Variants in SNX7 observed in about 807,000 individuals in gnomAD.
The protein encoded by SNX7 is sorting nexin 7.
In SNX7, 35 loss-of-function variants were observed where a neutral mutation model predicts 48.4. That is an observed-to-expected ratio of 0.72 (90% CI 0.55 to 0.96). SNX7 has a LOEUF of 0.96. Among genes scored for constraint, SNX7 ranks in the 40% least tolerant of loss-of-function variants. The pLI is 0.00. For synonymous variants in SNX7, 190 were observed against 190.2 expected (o/e 1.00, Z 0.01); for missense variants, 553 against 548.9 (o/e 1.01, Z -0.07).
At chr1:98,670,516 A>C (rs944953034) in intron 1 of SNX7, among the ~76,000 whole-genome samples, 6 of 152,214 alleles carry the variant, frequency 3.9e-5, no homozygotes, top group Non-Finnish European at 8.8e-5. Context: ...TCAATGATGG[A>C]CTGCCTAAGA....
intron 8 of SNX7, among the ~76,000 whole-genome samples, chr1:98,745,586 TACATG>T (rs1424499290): frequency 1.3e-5 from 2 of 152,084 alleles, no homozygotes; most frequent in African/African-American, 4.8e-5. Context: ...AGATTCCACT[TACATG>T]TAGGCTATAT....
chr1:98,681,075 A>G (rs766299034), intron 1 of SNX7, among the ~76,000 whole-genome samples: 2 of 152,210 alleles, frequency 1.3e-5, no homozygotes, highest in Non-Finnish European at 1.5e-5. Flanking sequence ...TTACAATTCC[A>G]CGTGGCTGGG....
At chr1:98,715,970 A>G (rs1316958129) in intron 7 of SNX7, among the ~76,000 whole-genome samples, 1 of 152,154 alleles carries the variant, frequency 6.6e-6, no homozygotes, top group East Asian at 1.9e-4. Flanking sequence ...ATTTACATAT[A>G]TATAAAAACA....
At chr1:98,730,975 C>T (rs970173016) in intron 7 of SNX7, among the ~76,000 whole-genome samples, 2 of 152,000 alleles carry the variant, frequency 1.3e-5, no homozygotes, top group Non-Finnish European at 2.9e-5. Context: ...GGACACAGGG[C>T]GGCAGAGGTG....
At chr1:98,714,723 C>T (rs1330306743) in intron 7 of SNX7, among the ~76,000 whole-genome samples, 2 of 151,992 alleles carry the variant, frequency 1.3e-5, no homozygotes, top group East Asian at 1.9e-4. Context: ...TCACATGTTC[C>T]AGGAGGTTTG....
chr1:98,733,739 G>A (rs1653635769), intron 7 of SNX7, among the ~76,000 whole-genome samples: 1 of 152,036 alleles, frequency 6.6e-6, no homozygotes. Flanking sequence ...ACGCAGACTA[G>A]ATGGATGCTG....
intron 1 of SNX7, among the ~76,000 whole-genome samples, chr1:98,682,163 C>A (rs1304020412): frequency 1.3e-5 from 2 of 150,622 alleles, no homozygotes; most frequent in African/African-American, 4.9e-5. Context: ...TTCCTTTCCT[C>A]CTCTGCTTAT....
chr1:98,693,192 GGA>G (rs1373783149), intron 4 of SNX7, among the ~76,000 whole-genome samples: 467 of 152,102 alleles, frequency 3.1e-3, no homozygotes, highest in Middle Eastern at 6.8e-3. Context: ...ATGGATGGAT[GGA>G]TGGATGGACG....
intron 8 of SNX7, among the ~76,000 whole-genome samples, chr1:98,745,204 G>A (rs978938863): frequency 2.0e-5 from 3 of 151,978 alleles, no homozygotes; most frequent in African/African-American, 4.8e-5. Context: ...TGTTGCAATA[G>A]AGGTGTAATA....
At chr1:98,662,173 A>T in intron 1 of SNX7, 1 of 335,346 alleles carries the variant, frequency 3.0e-6, no homozygotes, top group Admixed American at 4.9e-5. Context: ...GGCTTAGTGG[A>T]GTCTGCAAAG....
chr1:98,683,632 C>T (rs543930150), intron 1 of SNX7, among the ~76,000 whole-genome samples: 19 of 152,254 alleles, frequency 1.2e-4, no homozygotes, highest in East Asian at 3.9e-4. Flanking sequence ...CCTCACCAGA[C>T]GCTGAATCTG....
intron 8 of SNX7, among the ~76,000 whole-genome samples, chr1:98,739,569 A>ATTTATC (rs1653969159): frequency 6.6e-6 from 1 of 152,180 alleles, no homozygotes; most frequent in Non-Finnish European, 1.5e-5. Context: ...TCACAAAGAG[A>ATTTATC]GCATGATAAA....
intron 8 of SNX7, among the ~76,000 whole-genome samples, chr1:98,754,710 C>T (rs1654757136): frequency 6.6e-6 from 1 of 151,914 alleles, no homozygotes; most frequent in Non-Finnish European, 1.5e-5. Flanking sequence ...TTTTTATGAT[C>T]AACATGGCTA....
rs769472198 is a variant in SNX7 at position 98,698,821 on chromosome 1, G to A, written c.954G>A (p.Lys318=). 5.6e-6 allele frequency: 9 copies of A among 1,613,772 alleles called. No homozygotes were observed. The highest frequency in any genetic ancestry group is 5.9e-6 in the Non-Finnish European group (7 of 1,179,808). ...DVASCIDRCC[K]ATEKRMSGLS... ...CCAGCTGCATTGACAGATGCTGTAA[G>A]GCCACTGAAAAGCGGATGTCTGGAC... The change falls in exon 6 of 9, where the codon AAG becomes AAA. Residue 318 remains lysine, a synonymous_variant. Transcript: ENST00000306121.
chr1:98,750,605 A>G (rs1235701876), intron 8 of SNX7, among the ~76,000 whole-genome samples: 1 of 152,114 alleles, frequency 6.6e-6, no homozygotes, highest in African/African-American at 2.4e-5. Context: ...CTTAACCAGC[A>G]TATGCCTTAA....
intron 7 of SNX7, among the ~76,000 whole-genome samples, chr1:98,707,596 C>T (rs866468058): frequency 6.6e-6 from 1 of 152,260 alleles, no homozygotes; most frequent in South Asian, 2.1e-4. Flanking sequence ...AATAATACTG[C>T]ATATCTATTT....
intron 7 of SNX7, among the ~76,000 whole-genome samples, chr1:98,712,700 A>T (rs543366886): frequency 3.3e-5 from 5 of 152,166 alleles, no homozygotes; most frequent in Non-Finnish European, 7.4e-5. Context: ...CACCAACTAC[A>T]TTAGCTCCTA....
At chr1:98,683,766 G>A (rs559507082) in intron 1 of SNX7, among the ~76,000 whole-genome samples, 1 of 152,096 alleles carries the variant, frequency 6.6e-6, no homozygotes, top group East Asian at 1.9e-4. Context: ...GATGGGGTGG[G>A]GGTTGCACCT....
intron 7 of SNX7, among the ~76,000 whole-genome samples, chr1:98,721,367 C>T (rs769951848): frequency 6.6e-6 from 1 of 152,068 alleles, no homozygotes; most frequent in Non-Finnish European, 1.5e-5. Context: ...ACATTAAAGA[C>T]AATGCATAGC....
Sources: allele counts gnomAD v4.1 joint callset (sites outside exome capture counted in the v4.1 genomes callset), GRCh38; gene constraint gnomAD v4.1.1; transcripts MANE v1.5; gene names NCBI Gene and HGNC (gene_info 2026-07-23, HGNC 2026-07-21).